The following LRP12 variants were observed in gnomAD, a reference collection of about 807,000 sequenced individuals.
LRP12 encodes LDL receptor related protein 12, also known as low-density lipoprotein receptor-related protein 12.
In LRP12, 14 loss-of-function variants were observed where a neutral mutation model predicts 66.0. That is an observed-to-expected ratio of 0.21 (90% CI 0.14 to 0.33). LRP12 has a LOEUF of 0.33. LRP12 is among the 10% of genes least tolerant of loss of function. The probability of loss-of-function intolerance (pLI) is 1.00; values close to 1 mark genes in which losing one functional copy is unlikely to be tolerated. For synonymous variants in LRP12, 357 were observed against 359.1 expected, an observed-to-expected ratio of 0.99 and a Z score of 0.07; for missense variants, 889 against 1,053.4, an observed-to-expected ratio of 0.84 and a Z score of 2.16.
At chr8:104,524,749 T>A (rs1811204518) in intron 2 of LRP12, among the ~76,000 whole-genome samples, 1 of 152,206 alleles carries the variant, frequency 6.6e-6, no homozygotes, top group African/African-American at 2.4e-5. Context: ...TTAATCTTTT[T>A]GCTTTTTTCT....
chr8:104,548,854 G>A (rs1588501727), intron 1 of LRP12, among the ~76,000 whole-genome samples: 1 of 151,724 alleles, frequency 6.6e-6, no homozygotes, highest in East Asian at 1.9e-4. Flanking sequence ...TGAGGCAAGA[G>A]AATCGCTTGA....
intron 1 of LRP12, among the ~76,000 whole-genome samples, chr8:104,579,339 AAAG>A (rs1448568551): frequency 1.3e-5 from 2 of 151,724 alleles, no homozygotes; most frequent in Non-Finnish European, 2.9e-5. Flanking sequence ...ACTGCCATAA[AAAG>A]AATAAAATAC....
chr8:104,545,352 A>G (rs980534853), intron 1 of LRP12, among the ~76,000 whole-genome samples: 14 of 152,240 alleles, frequency 9.2e-5, no homozygotes, highest in African/African-American at 3.4e-4. Flanking sequence ...ACATAAACTT[A>G]GTTGATAAAG....
At chr8:104,522,971 T>C (rs1343727094) in intron 2 of LRP12, among the ~76,000 whole-genome samples, 1 of 152,102 alleles carries the variant, frequency 6.6e-6, no homozygotes, top group Non-Finnish European at 1.5e-5. Flanking sequence ...ACTGTGTAAA[T>C]TAGTACATCC....
At chr8:104,574,833 T>C (rs1812137261) in intron 1 of LRP12, among the ~76,000 whole-genome samples, 1 of 152,210 alleles carries the variant, frequency 6.6e-6, no homozygotes. Flanking sequence ...TTTTTAAATG[T>C]GGTTAATAGA....
In LRP12 at chr8:104,497,378, G is replaced by C. The variant is rs1564129105; in HGVS notation, c.1174C>G (p.Gln392Glu). 2 of 1,613,962 alleles carry C rather than the reference G, an allele frequency of 1.2e-6. No homozygotes were observed. The highest frequency in any genetic ancestry group is 1.7e-6 in the Non-Finnish European group (2 of 1,179,944). ...CGGNWGCYTE[Q>E]QRCDGYWHCP... is the part of the protein sequence containing the mutation. ...TGCCAATACCCATCACAACGCTGCT[G>C]CTCAGTATAACACCCCCAGTTACCT... Residue 392 changes from glutamine (Q) to glutamate (E), a missense_variant, in exon 5 of 7, where the codon CAG (glutamine) becomes GAG (glutamate). By Grantham distance (29) the Gln-to-Glu change is conservative. Around this residue, in one of 3 missense-constraint regions of LRP12, gnomAD observed 800 missense variants for 964.5 expected, o/e 0.83. Transcript: ENST00000276654. The surrounding 1 kb of genome is among the most constrained non-coding windows in gnomAD (Gnocchi z 4.3).
chr8:104,520,779 A>G (rs2140853104), intron 2 of LRP12, among the ~76,000 whole-genome samples: 1 of 152,178 alleles, frequency 6.6e-6, no homozygotes, highest in Admixed American at 6.6e-5. Context: ...CAACAGTTTC[A>G]CAGTACATCC....
At chr8:104,559,735 T>C (rs1811873450) in intron 1 of LRP12, among the ~76,000 whole-genome samples, 1 of 152,174 alleles carries the variant, frequency 6.6e-6, no homozygotes, top group Non-Finnish European at 1.5e-5. Context: ...TTACAGGAAT[T>C]TTCTTCACAT....
chr8:104,573,834 A>G (rs1311712466), intron 1 of LRP12, among the ~76,000 whole-genome samples: 2 of 152,010 alleles, frequency 1.3e-5, no homozygotes, highest in East Asian at 3.9e-4. Flanking sequence ...GGTTACAGGA[A>G]GGAAAAAAAG....
At chr8:104,524,644 A>C (rs1811202874) in intron 2 of LRP12, among the ~76,000 whole-genome samples, 1 of 152,208 alleles carries the variant, frequency 6.6e-6, no homozygotes, top group African/African-American at 2.4e-5. Flanking sequence ...ATGCATATAC[A>C]ATTATTTTTA....
chr8:104,494,511 T>G (rs1311234720), intron 6 of LRP12, among the ~76,000 whole-genome samples: 3 of 152,176 alleles, frequency 2.0e-5, no homozygotes, highest in Non-Finnish European at 4.4e-5. Flanking sequence ...TAAATCCTTA[T>G]GCCTAAAATG....
chr8:104,558,525 C>A (rs1338154511), intron 1 of LRP12, among the ~76,000 whole-genome samples: 1 of 152,062 alleles, frequency 6.6e-6, no homozygotes, highest in East Asian at 1.9e-4. Context: ...ATTTGAAAAA[C>A]CCTTCCAGAC....
chr8:104,543,257 T>C (rs1481345193), intron 1 of LRP12, among the ~76,000 whole-genome samples: 1 of 152,134 alleles, frequency 6.6e-6, no homozygotes, highest in Admixed American at 6.5e-5. Context: ...AGTCTATCAG[T>C]ACCATTTTTC....
intron 1 of LRP12, among the ~76,000 whole-genome samples, chr8:104,538,852 A>T (rs905018398): frequency 4.6e-5 from 7 of 152,080 alleles, no homozygotes; most frequent in Non-Finnish European, 8.8e-5. Context: ...TATTTTATTT[A>T]ATTTTAATTA....
At chr8:104,540,427 C>T (rs1418493503) in intron 1 of LRP12, among the ~76,000 whole-genome samples, 1 of 152,034 alleles carries the variant, frequency 6.6e-6, no homozygotes, top group African/African-American at 2.4e-5. Context: ...TTTGGGAATC[C>T]CTTTCAAGTG....
In LRP12 at chr8:104,581,457, T is replaced by C. The variant is rs530678505; in HGVS notation, c.79+7362A>G. On this transcript the variant is annotated intron_variant, in intron 1 of 6. Coordinates refer to ENST00000276654, the MANE Select transcript of LRP12 (RefSeq NM_013437.5). ...TGTACAACAAACCCCCATGTAATAA[T>C]TGTGTACAACAAACCCCCATGACAC... Among the ~76,000 whole-genome samples, 16 of 152,166 alleles carry C rather than the reference T, an allele frequency of 1.1e-4. No individual in the cohort carries two copies. The South Asian group carries it at 3.3e-3, about 32-fold the overall frequency.
chr8:104,537,411 T>C (rs1004523027), intron 1 of LRP12, among the ~76,000 whole-genome samples: 3 of 152,058 alleles, frequency 2.0e-5, no homozygotes, highest in Non-Finnish European at 4.4e-5. Context: ...CATATAAGAA[T>C]AGGCAAAGAA....
Position 104,559,034 on chromosome 8 carries a change from T to C in LRP12, c.80-27071A>G, listed in dbSNP as rs934293980. ...GGAATGTAAACTAGTACAAGCACTA[T>C]GGAAAACTGTGTGGAGATTACTTAA... On this transcript the variant is annotated intron_variant, in intron 1 of 6. Coordinates refer to ENST00000276654, the MANE Select transcript of LRP12 (RefSeq NM_013437.5). Among the ~76,000 whole-genome samples, 4 of 152,138 alleles carry C rather than the reference T, an allele frequency of 2.6e-5. No homozygotes were observed. In the East Asian group the frequency reaches 7.7e-4, roughly 29 times the overall value.
intron 1 of LRP12, among the ~76,000 whole-genome samples, chr8:104,559,978 A>G (rs1213719740): frequency 5.3e-5 from 8 of 152,184 alleles, no homozygotes; most frequent in African/African-American, 1.9e-4. Context: ...CAGTTTACCA[A>G]TGAAGAAACT....
Sources: gnomAD v4.1 joint callset for allele counts (sites outside exome capture counted in the v4.1 genomes callset) on GRCh38, gnomAD v4.1.1 for gene constraint, gnomAD v4.1.1 regional missense constraint, Gnocchi (gnomAD v3.1) non-coding constraint, MANE v1.5 for transcripts, NCBI Gene and HGNC (gene_info 2026-07-23, HGNC 2026-07-21) for gene names.